CD200R1: variants seen among roughly 807,000 people sequenced by gnomAD.
The protein encoded by CD200R1 is cell surface glycoprotein CD200 receptor 1.
A neutral mutation model predicts 38.1 loss-of-function variants in CD200R1; 30 were observed. The observed-to-expected ratio is 0.79, with a 90% confidence interval of 0.59 to 1.07. The LOEUF is 1.07. CD200R1 is among the 50% of genes least tolerant of loss of function. The pLI is 0.00. For missense variants in CD200R1, 372 were observed against 415.4 expected (o/e 0.90, Z 0.91); for synonymous variants, 128 against 152.1 (o/e 0.84, Z 1.16).
chr3:112,945,041 A>G (rs1414197998), intron 2 of CD200R1, among the ~76,000 whole-genome samples: 1 of 152,198 alleles, frequency 6.6e-6, no homozygotes. Flanking sequence ...TATGAGGAAA[A>G]CTATAAAACT....
chr3:112,924,340 A>G (rs113728957), intron 7 of CD200R1, 150 bp downstream of exon 7: 1 of 411,048 alleles, frequency 2.4e-6, no homozygotes, highest in Non-Finnish European at 3.9e-6. Flanking sequence ...TAGATAATTA[A>G]CAAAGTAATC....
At chr3:112,954,720 G>A (rs1311421377) in intron 1 of CD200R1, among the ~76,000 whole-genome samples, 1 of 152,194 alleles carries the variant, frequency 6.6e-6, no homozygotes, top group Admixed American at 6.5e-5. Context: ...TACCCGGAAA[G>A]AGCATGGGAA....
rs1418432456 is a variant in CD200R1 at position 112,939,283 on chromosome 3, G to A, written c.137-8112C>T. Among the ~76,000 whole-genome samples the A allele has an allele frequency of 2.6e-5, 4 of 151,794 alleles. No homozygotes were observed. In the East Asian group the frequency reaches 7.7e-4, roughly 29 times the overall value. ...CTGGAAGTCTGGCCCAGAGAAATTA[G>A]GCAAGAAAAATAAATAAGTAAAGTA... On this transcript the variant is annotated intron_variant, in intron 2 of 7. Transcript: ENST00000308611.
intron 1 of CD200R1, among the ~76,000 whole-genome samples, chr3:112,955,262 A>G (rs2107332865): frequency 6.6e-6 from 1 of 152,280 alleles, no homozygotes; most frequent in African/African-American, 2.4e-5. Context: ...TTGGTCTACA[A>G]TGTAGTTTAA....
chr3:112,966,732 A>G (rs1469452016), intron 1 of CD200R1, among the ~76,000 whole-genome samples: 1 of 152,066 alleles, frequency 6.6e-6, no homozygotes, highest in Non-Finnish European at 1.5e-5. Context: ...CTTTGAACAC[A>G]TTCAGGTTTC....
At chr3:112,945,359 C>T (rs1940824033) in intron 2 of CD200R1, among the ~76,000 whole-genome samples, 1 of 152,098 alleles carries the variant, frequency 6.6e-6, no homozygotes, top group South Asian at 2.1e-4. Flanking sequence ...ATTTTATTAG[C>T]AAAAGAAGAG....
intron 2 of CD200R1, among the ~76,000 whole-genome samples, chr3:112,939,747 A>G (rs1301294142): frequency 6.6e-6 from 1 of 151,734 alleles, no homozygotes; most frequent in African/African-American, 2.4e-5. Context: ...TGTAATTACT[A>G]TCAAGATACC....
chr3:112,967,367 C>G (rs1933195099), intron 1 of CD200R1, among the ~76,000 whole-genome samples: 1 of 152,116 alleles, frequency 6.6e-6, no homozygotes, highest in South Asian at 2.1e-4. Context: ...CTCTTCTTAC[C>G]TCGCTGTTTC....
intron 1 of CD200R1, among the ~76,000 whole-genome samples, chr3:112,948,548 AG>A (rs1940912329): frequency 6.6e-6 from 1 of 152,172 alleles, no homozygotes; most frequent in South Asian, 2.1e-4. Flanking sequence ...AGTTCACAAT[AG>A]GGTTCATGCT....
At chr3:112,933,473 A>T (rs998584261) in intron 2 of CD200R1, among the ~76,000 whole-genome samples, 3 of 152,208 alleles carry the variant, frequency 2.0e-5, no homozygotes, top group Admixed American at 1.3e-4. Context: ...AGAATGGATT[A>T]CATATAAATA....
At chr3:112,940,661 G>A (rs1175570981) in intron 2 of CD200R1, among the ~76,000 whole-genome samples, 5 of 151,660 alleles carry the variant, frequency 3.3e-5, no homozygotes, top group Non-Finnish European at 5.9e-5. Context: ...AAATGTTGGT[G>A]AGGATGCAAA....
intron 1 of CD200R1, among the ~76,000 whole-genome samples, chr3:112,973,503 C>T (rs1433341175): frequency 2.0e-5 from 3 of 152,188 alleles, no homozygotes; most frequent in Admixed American, 6.5e-5. Flanking sequence ...CACCTCTCTA[C>T]GCCTCCATTT....
chr3:112,930,116 TAA>T (rs35297201), intron 3 of CD200R1, among the ~76,000 whole-genome samples: 19,110 of 147,928 alleles, frequency 0.13, 1,624 homozygotes, highest in African/African-American at 0.23. Context: ...CACAGATCTT[TAA>T]AAAAAAAAAA....
At chr3:112,934,311 C>G (rs1244181086) in intron 2 of CD200R1, among the ~76,000 whole-genome samples, 1 of 151,662 alleles carries the variant, frequency 6.6e-6, no homozygotes, top group Non-Finnish European at 1.5e-5. Flanking sequence ...CCTTATGGGC[C>G]AAGAGAAAAT....
chr3:112,937,335 A>G (rs1940608112), intron 2 of CD200R1, among the ~76,000 whole-genome samples: 1 of 152,154 alleles, frequency 6.6e-6, no homozygotes, highest in Non-Finnish European at 1.5e-5. Flanking sequence ...TAGAAACTAC[A>G]TTTCAAGATG....
chr3:112,929,508 C>G lies in CD200R1; in HGVS notation c.203-1G>C. On this transcript the variant is annotated splice_acceptor_variant, in intron 3 of 7. Transcript: ENST00000308611. LOFTEE classifies it high-confidence loss of function. Reference sequence around the variant, plus strand: ...ATCTTTACAGGCCATGAAGTGTTAACTGGACATGAAAAGAGAATGATAAAA... The same window carrying G: ...ATCTTTACAGGCCATGAAGTGTTAAGTGGACATGAAAAGAGAATGATAAAA... 6.2e-7 allele frequency: 1 copy of G among 1,603,066 alleles called. No homozygotes were observed.
At chr3:112,935,183 G>C (rs1464119484) in intron 2 of CD200R1, among the ~76,000 whole-genome samples, 1 of 152,134 alleles carries the variant, frequency 6.6e-6, no homozygotes, top group Non-Finnish European at 1.5e-5. Flanking sequence ...TTAGGCAGAT[G>C]ATCTAGACAG....
chr3:112,970,024 A>G (rs1933262363), intron 1 of CD200R1, among the ~76,000 whole-genome samples: 1 of 152,010 alleles, frequency 6.6e-6, no homozygotes, highest in Non-Finnish European at 1.5e-5. Flanking sequence ...ATACAAAAAA[A>G]AAAATTAGCC....
chr3:112,925,230 A>C, intron 5 of CD200R1, 37 bp from the exon 6 acceptor site: 1 of 957,366 alleles, frequency 1.0e-6, no homozygotes, highest in Non-Finnish European at 1.7e-6. Flanking sequence ...AATGTGGTAC[A>C]ATCCAAATAA....
Sources: allele counts gnomAD v4.1 joint callset (sites outside exome capture counted in the v4.1 genomes callset), GRCh38; gene constraint gnomAD v4.1.1; transcripts MANE v1.5; gene names NCBI Gene and HGNC (gene_info 2026-07-23, HGNC 2026-07-21).